The following PTPN12 variants were observed in gnomAD, a reference collection of about 807,000 sequenced individuals.
The protein encoded by PTPN12 is tyrosine-protein phosphatase non-receptor type 12.
In PTPN12, 29 loss-of-function variants were observed where a neutral mutation model predicts 97.6. The ratio of observed to expected loss-of-function variants is 0.30; its 90% CI spans 0.22 to 0.41. The LOEUF (loss-of-function observed/expected upper bound fraction) is 0.41. PTPN12 is among the 10% of genes least tolerant of loss of function. The pLI is 1.00. For synonymous variants in PTPN12, 327 were observed against 300.4 expected (o/e 1.09, Z -0.91); for missense variants, 819 against 926.0 (o/e 0.88, Z 1.50).
intron 14 of PTPN12, among the ~76,000 whole-genome samples, 169 bp downstream of exon 14, chr7:77,632,594 T>C (rs1406689808): frequency 1.3e-5 from 2 of 152,254 alleles, no homozygotes; most frequent in Non-Finnish European, 2.9e-5. Flanking sequence ...TTTTAAATTA[T>C]ATTTTTTACT....
intron 11 of PTPN12, among the ~76,000 whole-genome samples, chr7:77,615,601 A>G (rs1200992934): frequency 3.3e-5 from 5 of 152,128 alleles, no homozygotes; most frequent in Admixed American, 3.3e-4. Flanking sequence ...TTTTTTTTTA[A>G]TTACCTGGGT....
At chr7:77,550,028 G>T (rs563127190) in intron 1 of PTPN12, among the ~76,000 whole-genome samples, 1 of 152,266 alleles carries the variant, frequency 6.6e-6, no homozygotes, top group South Asian at 2.1e-4. Context: ...TTTAGTTCAT[G>T]AATCATCTAA....
chr7:77,621,990 C>G (rs1205967582), intron 12 of PTPN12, among the ~76,000 whole-genome samples: 2 of 152,152 alleles, frequency 1.3e-5, no homozygotes, highest in Admixed American at 6.6e-5. Context: ...TCAGACAGAG[C>G]CTTGCTCTTT....
intron 7 of PTPN12, 84 bp downstream of exon 7, chr7:77,597,985 T>C (rs935558677): frequency 1.6e-5 from 25 of 1,529,612 alleles, no homozygotes; most frequent in African/African-American, 2.8e-5. Flanking sequence ...CCCAACACTT[T>C]GGGAGGCTGA....
chr7:77,561,113 GT>G (rs1807977906), intron 1 of PTPN12, among the ~76,000 whole-genome samples: 1 of 152,048 alleles, frequency 6.6e-6, no homozygotes, highest in East Asian at 1.9e-4. Flanking sequence ...TAGAGTTGAG[GT>G]TTTGCTGTGT....
intron 12 of PTPN12, among the ~76,000 whole-genome samples, chr7:77,619,586 T>C (rs1788864920): frequency 6.6e-6 from 1 of 152,196 alleles, no homozygotes; most frequent in South Asian, 2.1e-4. Flanking sequence ...AAGAGGCTTT[T>C]TACATAAATA....
intron 1 of PTPN12, among the ~76,000 whole-genome samples, chr7:77,543,570 A>T (rs911555107): frequency 7.9e-5 from 12 of 152,182 alleles, no homozygotes; most frequent in Admixed American, 5.9e-4. Flanking sequence ...TTTAAAGTCT[A>T]TGATTCACTA....
chr7:77,624,972 TAA>T (rs1396687743), intron 12 of PTPN12, among the ~76,000 whole-genome samples: 1 of 151,646 alleles, frequency 6.6e-6, no homozygotes, highest in Non-Finnish European at 1.5e-5. Context: ...CCATCTCTAC[TAA>T]AAATACAAAA....
At chr7:77,566,153 A>G (rs1056788980) in intron 1 of PTPN12, among the ~76,000 whole-genome samples, 4 of 152,242 alleles carry the variant, frequency 2.6e-5, no homozygotes, top group Non-Finnish European at 5.9e-5. Context: ...TTTGATATTT[A>G]AGAAATGGAG....
At chr7:77,610,308 C>A (rs1197185233) in intron 9 of PTPN12, among the ~76,000 whole-genome samples, 1 of 152,182 alleles carries the variant, frequency 6.6e-6, no homozygotes, top group Non-Finnish European at 1.5e-5. Context: ...ACAGTCTGAT[C>A]CTAAATATCC....
intron 14 of PTPN12, among the ~76,000 whole-genome samples, chr7:77,634,154 C>T (rs1023234080): frequency 1.3e-5 from 2 of 149,042 alleles, no homozygotes; most frequent in South Asian, 2.1e-4. Flanking sequence ...GAGCCATGAT[C>T]GCACCACTGT....
intron 1 of PTPN12, among the ~76,000 whole-genome samples, chr7:77,540,457 T>C (rs1005388130): frequency 4.6e-5 from 7 of 151,910 alleles, no homozygotes; most frequent in Admixed American, 2.6e-4. Flanking sequence ...AGACTGGTCT[T>C]GAACTTTCAT....
At position 77,564,746 on chromosome 7, in the gene PTPN12, G is replaced by GTGTTTTTT. The variant is rs1808163614; in HGVS notation, c.100-6331_100-6330insGTTTTTTT. ...TTTTGTTGTTGTTTTTTGTTGTCGT[G>GTGTTTTTT]TTTTTTTTTTTTTTTTTTTTTTTTT... On this transcript the variant is annotated intron_variant, in intron 1 of 17. Transcript: ENST00000248594. 1.8e-4 allele frequency among the ~76,000 whole-genome samples: 8 copies of GTGTTTTTT among 45,406 alleles called. 2 individuals carry two copies. The East Asian group carries it at 6.4e-3, about 36-fold the overall frequency. 29.8% of individuals were successfully genotyped at this position (45,406 alleles called of 152,430 possible).
chr7:77,600,906 C>T, intron 8 of PTPN12, 100 bp downstream of exon 8: 2 of 1,076,522 alleles, frequency 1.9e-6, no homozygotes. Flanking sequence ...TGAATTTCTC[C>T]TAGCCTTGAT....
chr7:77,605,438 GA>G (rs1459218206), intron 8 of PTPN12, among the ~76,000 whole-genome samples: 7 of 12,926 alleles, frequency 5.4e-4, no homozygotes, highest in Non-Finnish European at 1.2e-3. Flanking sequence ...TTTTTTTTTT[GA>G]GACGGAGTCT....
At chr7:77,624,311 G>A (rs1789053170) in intron 12 of PTPN12, among the ~76,000 whole-genome samples, 1 of 151,774 alleles carries the variant, frequency 6.6e-6, no homozygotes, top group African/African-American at 2.4e-5. Flanking sequence ...AACAGATATA[G>A]GAATATCTTA....
At chr7:77,625,040 C>G (rs543281972) in intron 12 of PTPN12, among the ~76,000 whole-genome samples, 1 of 152,144 alleles carries the variant, frequency 6.6e-6, no homozygotes, top group Non-Finnish European at 1.5e-5. Flanking sequence ...GAGGTTGAAG[C>G]ACAAGAATTG....
At chr7:77,622,230 C>T (rs1788965451) in intron 12 of PTPN12, among the ~76,000 whole-genome samples, 1 of 152,116 alleles carries the variant, frequency 6.6e-6, no homozygotes, top group Admixed American at 6.5e-5. Flanking sequence ...GCTGGGATTG[C>T]AGGCGTGAGC....
In PTPN12 at chr7:77,543,039, C is replaced by G. The variant is rs114080605; in HGVS notation, c.99+5394C>G. ...GTGATTGTTCCTGAGAAGGTGTGGT[C>G]AAGGAGGAGGGAGGAGAACCAGAGA... On this transcript the variant is annotated intron_variant, in intron 1 of 17. Transcript: ENST00000248594. Among the ~76,000 whole-genome samples, 1,208 of 151,596 alleles carry G rather than the reference C, an allele frequency of 8.0e-3. 20 individuals carry two copies. The highest frequency in any genetic ancestry group is 0.027 in the African/African-American group (1,134 of 41,298).
Sources: allele counts gnomAD v4.1 joint callset (sites outside exome capture counted in the v4.1 genomes callset), GRCh38; gene constraint gnomAD v4.1.1; transcripts MANE v1.5; gene names NCBI Gene and HGNC (gene_info 2026-07-23, HGNC 2026-07-21).